Variants in PDE4D observed in about 807,000 individuals in gnomAD.
The protein encoded by PDE4D is 3',5'-cyclic-AMP phosphodiesterase 4D.
Under a neutral mutation model 87.4 loss-of-function variants are expected in PDE4D, and 24 were observed. That is an observed-to-expected ratio of 0.27 (90% confidence interval 0.20 to 0.39). The LOEUF is 0.39. Among genes scored for constraint, PDE4D ranks in the 10% least tolerant of loss-of-function variants. The pLI is 1.00. For synonymous variants in PDE4D, 384 were observed against 383.2 expected (o/e 1.00, Z -0.02); for missense variants, 714 against 1,041.0 (o/e 0.69, Z 4.32).
intron 6 of PDE4D, among the ~76,000 whole-genome samples, chr5:59,004,212 A>G (rs1751116197): frequency 6.6e-6 from 1 of 152,218 alleles, no homozygotes; most frequent in Admixed American, 6.5e-5. Context: ...ACTACAAAAT[A>G]TAAATACTTG....
intron 1 of PDE4D, among the ~76,000 whole-genome samples, chr5:59,791,004 T>C (rs558638783): frequency 1.9e-4 from 29 of 152,328 alleles, no homozygotes; most frequent in African/African-American, 6.7e-4. Context: ...CTGTTAATTC[T>C]CTTCCTAAGA....
At chr5:59,156,320 A>AAAATAT (rs548335725) in intron 5 of PDE4D, among the ~76,000 whole-genome samples, 5 of 81,778 alleles carry the variant, frequency 6.1e-5, no homozygotes, top group South Asian at 3.9e-4. Context: ...AAAAAAAAAA[A>AAAATAT]ATATATATAT....
At chr5:60,136,839 C>T (rs1200387127) in intron 2 of PDE4D, among the ~76,000 whole-genome samples, 1 of 152,022 alleles carries the variant, frequency 6.6e-6, no homozygotes, top group African/African-American at 2.4e-5. Flanking sequence ...GGTACATGTG[C>T]GGGATGTGCA....
intron 1 of PDE4D, among the ~76,000 whole-genome samples, chr5:59,582,461 A>G (rs1318453119): frequency 6.6e-6 from 1 of 152,164 alleles, no homozygotes; most frequent in Non-Finnish European, 1.5e-5. Flanking sequence ...ATTAGAAGGC[A>G]GGCCATTCTG....
At chr5:59,593,928 A>G (rs914086825) in intron 1 of PDE4D, among the ~76,000 whole-genome samples, 2 of 152,208 alleles carry the variant, frequency 1.3e-5, no homozygotes, top group Non-Finnish European at 2.9e-5. Flanking sequence ...AAAAGTACAC[A>G]TCTTTAAATC....
intron 1 of PDE4D, among the ~76,000 whole-genome samples, chr5:59,838,605 C>T (rs1303210818): frequency 6.6e-6 from 1 of 152,038 alleles, no homozygotes; most frequent in Non-Finnish European, 1.5e-5. Flanking sequence ...ATTACCAACT[C>T]GTTTAACACT....
At chr5:59,951,368 T>C (rs888444287) in intron 3 of PDE4D, among the ~76,000 whole-genome samples, 1 of 152,178 alleles carries the variant, frequency 6.6e-6, no homozygotes, top group Non-Finnish European at 1.5e-5. Flanking sequence ...GGTCAGTAAC[T>C]TTTTACTTTT....
chr5:59,080,343 G>T (rs575559591), intron 5 of PDE4D, among the ~76,000 whole-genome samples: 1 of 152,286 alleles, frequency 6.6e-6, no homozygotes, highest in East Asian at 1.9e-4. Context: ...GTTCCTTCTA[G>T]TGTAAACAGT....
intron 1 of PDE4D, among the ~76,000 whole-genome samples, chr5:59,567,708 T>C (rs1821176801): frequency 1.3e-5 from 2 of 152,168 alleles, no homozygotes; most frequent in African/African-American, 4.8e-5. Flanking sequence ...TAAGGATAAA[T>C]GGAACAGCAC....
intron 2 of PDE4D, among the ~76,000 whole-genome samples, chr5:60,010,953 A>C (rs1764965923): frequency 1.3e-5 from 2 of 152,204 alleles, no homozygotes; most frequent in South Asian, 4.1e-4. Context: ...AAGGCCATGC[A>C]TATGTGAGAT....
rs548632530 is a variant in PDE4D, at chr5:59,106,155, T to C, written c.809-67184A>G. On this transcript the variant is annotated intron_variant, in intron 5 of 14. Coordinates refer to ENST00000340635, the MANE Select transcript of PDE4D (RefSeq NM_001104631.2). The stretch of plus-strand genomic sequence containing the variant: ...AAAATACAGATAATGTACATGCACA[T>C]ACTGCACACACAATTCTTTACACAG... 3.3e-5 allele frequency among the ~76,000 whole-genome samples: 5 copies of C among 152,318 alleles called. No individual in the cohort carries two copies. In the South Asian group the frequency reaches 1.0e-3, roughly 32 times the overall value.
intron 1 of PDE4D, among the ~76,000 whole-genome samples, chr5:59,303,049 GT>G (rs1770580876): frequency 6.6e-6 from 1 of 151,996 alleles, no homozygotes; most frequent in African/African-American, 2.4e-5. Context: ...AACATCTACT[GT>G]TTTTTAAAAT....
intron 1 of PDE4D, among the ~76,000 whole-genome samples, chr5:59,391,267 G>T (rs909458688): frequency 6.6e-6 from 1 of 151,980 alleles, no homozygotes; most frequent in Non-Finnish European, 1.5e-5. Flanking sequence ...TTCTCCTAGG[G>T]GACTTCATTT....
At chr5:59,690,725 T>G (rs935645497) in intron 1 of PDE4D, among the ~76,000 whole-genome samples, 1 of 152,176 alleles carries the variant, frequency 6.6e-6, no homozygotes, top group Non-Finnish European at 1.5e-5. Context: ...AAATGAGATC[T>G]AATTAAACTA....
rs905344912 is a variant in PDE4D, at chr5:59,447,811, T to C, written c.456-231843A>G. ...TGATCTTGCAACCCACTTTGGCCAATGGCATGTGCATGGAAGAGATCTGTG... is the reference window on the plus strand; with the variant it reads ...TGATCTTGCAACCCACTTTGGCCAACGGCATGTGCATGGAAGAGATCTGTG... On this transcript the variant is annotated intron_variant, in intron 1 of 14. Coordinates refer to ENST00000340635, the MANE Select transcript of PDE4D (RefSeq NM_001104631.2). Among the ~76,000 whole-genome samples, 5 of 152,044 alleles carry C rather than the reference T, an allele frequency of 3.3e-5. 1 individual carries two copies. The highest frequency in any genetic ancestry group is 2.1e-4 in the South Asian group (1 of 4,822).
intron 1 of PDE4D, among the ~76,000 whole-genome samples, chr5:59,725,830 T>TC (rs930200211): frequency 3.9e-5 from 6 of 151,994 alleles, no homozygotes; most frequent in Non-Finnish European, 7.4e-5. Context: ...TAGTTGTTTT[T>TC]TTTCATATAA....
Position 60,105,693 on chromosome 5 carries a change from A to G in PDE4D, c.42+79864T>C, listed in dbSNP as rs567323965. On this transcript the variant is annotated intron_variant, in intron 2 of 16. Transcript: ENST00000502484. ...CAGAAACTCTACAAGCCAGAAGATAATGGGGGCCAATATTCAACATTCTTA... is the reference window on the plus strand; with the variant it reads ...CAGAAACTCTACAAGCCAGAAGATAGTGGGGGCCAATATTCAACATTCTTA... Among the ~76,000 whole-genome samples the G allele has an allele frequency of 1.1e-3, 170 of 151,152 alleles. 2 individuals carry two copies. Among genetic ancestry groups the G allele is most frequent in the African/African-American group, 3.9e-3 (156 of 40,466 alleles).
chr5:59,163,020 C>T (rs1468673878), intron 5 of PDE4D, among the ~76,000 whole-genome samples: 3 of 151,504 alleles, frequency 2.0e-5, no homozygotes, highest in Non-Finnish European at 4.4e-5. Context: ...CTCACCTCTG[C>T]CTCCCGGGTT....
intron 6 of PDE4D, among the ~76,000 whole-genome samples, chr5:59,031,364 T>G (rs1266623483): frequency 2.2e-4 from 7 of 32,320 alleles, no homozygotes; most frequent in African/African-American, 6.0e-4. Flanking sequence ...GAAAATGTGA[T>G]ATATATATAT....
Sources: gnomAD v4.1 joint callset for allele counts (sites outside exome capture counted in the v4.1 genomes callset) on GRCh38, gnomAD v4.1.1 for gene constraint, MANE v1.5 for transcripts, NCBI Gene and HGNC (gene_info 2026-07-23, HGNC 2026-07-21) for gene names.